Variants in CTNNA1 observed in about 807,000 individuals in gnomAD.
CTNNA1 encodes catenin alpha 1.
In CTNNA1, 37 loss-of-function variants were observed where a neutral mutation model predicts 98.4. The ratio of observed to expected loss-of-function variants is 0.38; its 90% CI spans 0.29 to 0.49. The LOEUF is 0.49. Ranked by LOEUF, CTNNA1 falls within the 20% of genes least tolerant of loss-of-function variation. The probability of loss-of-function intolerance (pLI) is 0.95; values close to 1 mark genes in which losing one functional copy is unlikely to be tolerated. For missense variants in CTNNA1, 761 were observed against 1,147.2 expected, an observed-to-expected ratio of 0.66 and a Z score of 4.86; for synonymous variants, 404 against 413.2, an observed-to-expected ratio of 0.98 and a Z score of 0.27.
At position 138,753,480 on chromosome 5, in the gene CTNNA1, T is replaced by C. The variant is rs1222131050; in HGVS notation, c.-33T>C. On this transcript the variant is annotated 5_prime_UTR_variant, in exon 1 of 18. Coordinates refer to ENST00000302763, the MANE Select transcript of CTNNA1 (RefSeq NM_001903.5). ...GCAGCGCCCGTCTGCTTCGGGCCTC[T>C]GGAATTTAGCGCTCGCCCAGCTAGC... 4 of 377,176 alleles carry C rather than the reference T, an allele frequency of 1.1e-5. No individual in the cohort carries two copies. Among genetic ancestry groups the C allele is most frequent in the African/African-American group, 4.2e-5 (2 of 47,322 alleles). 23.4% of individuals were successfully genotyped at this position (377,176 alleles called of 1,614,324 possible). A position where few individuals can be genotyped will look rare whatever the true frequency, so the allele number is the denominator to read the frequency against.
Position 138,778,142 on chromosome 5 carries a change from C to T in CTNNA1, c.-2-3781C>T, listed in dbSNP as rs999479386. 3.7e-4 allele frequency among the ~76,000 whole-genome samples: 52 copies of T among 139,500 alleles called. 1 individual carries two copies. The highest frequency in any genetic ancestry group is 7.7e-4 in the South Asian group (3 of 3,920). The allele number at this position is 139,500 out of a possible 152,430, so 91.5% of individuals were successfully genotyped here. A position where few individuals can be genotyped will look rare whatever the true frequency, so the allele number is the denominator to read the frequency against. On this transcript the variant is annotated intron_variant, in intron 1 of 17. Coordinates refer to ENST00000302763, the MANE Select transcript of CTNNA1 (RefSeq NM_001903.5). The stretch of plus-strand genomic sequence containing the variant: ...CCGAGTAGCTGGGACTACAGGCGAC[C>T]GCCACCACGCCCGGCTAATTTTTTG...
chr5:138,904,930 TA>T (rs879321048), intron 10 of CTNNA1: 377 of 139,544 alleles, frequency 2.7e-3, no homozygotes, highest in Non-Finnish European at 2.4e-3. Flanking sequence ...CCGTCTCTAC[TA>T]AAAAAAAAAA....
At position 138,897,307 on chromosome 5, in the gene CTNNA1, C is replaced by T. The variant is rs1052684417; in HGVS notation, c.1297-7042C>T. ...ACCTCACACCGCACCCCCCCCCCCC[C>T]CGCCCCCGCCCAGCACACACAGTAT... On this transcript the variant is annotated intron_variant, in intron 9 of 17. Transcript: ENST00000302763. Among the ~76,000 whole-genome samples, 358 of 87,098 alleles carry T rather than the reference C, an allele frequency of 4.1e-3. 21 individuals are homozygous for T. Among genetic ancestry groups the T allele is most frequent in the Non-Finnish European group, 6.4e-3 (262 of 40,672 alleles). 57.1% of individuals were successfully genotyped at this position (87,098 alleles called of 152,430 possible). A position where few individuals can be genotyped will look rare whatever the true frequency, so the allele number is the denominator to read the frequency against.
At chr5:138,882,425 G>GA (rs1753111042) in intron 7 of CTNNA1, among the ~76,000 whole-genome samples, 1 of 152,212 alleles carries the variant, frequency 6.6e-6, no homozygotes, top group Non-Finnish European at 1.5e-5. Context: ...TCCATAGGGA[G>GA]AATGTGTAGA....
intron 1 of CTNNA1, among the ~76,000 whole-genome samples, chr5:138,755,480 C>G (rs562849765): frequency 1.2e-4 from 19 of 152,186 alleles, no homozygotes; most frequent in African/African-American, 4.6e-4. Flanking sequence ...TCTTTCCTCT[C>G]GTACCCAGGG....
chr5:138,892,365 A>C (rs1260678913), intron 9 of CTNNA1, among the ~76,000 whole-genome samples: 1 of 110,544 alleles, frequency 9.0e-6, no homozygotes, highest in Admixed American at 1.1e-4. Flanking sequence ...TTTGAGACAG[A>C]GTCTTGCTCT....
In CTNNA1 at chr5:138,824,391, A is replaced by G. The variant is rs559215117; in HGVS notation, c.589-139A>G. 80 of 936,678 alleles carry G rather than the reference A, an allele frequency of 8.5e-5. No homozygotes were observed. In the South Asian group the frequency reaches 1.4e-3, roughly 16 times the overall value. The allele number at this position is 936,678 out of a possible 1,614,324, so 58.0% of individuals were successfully genotyped here. ...AACCATACTGCCTTCTTTGTGATTGACTCTCAACTAGATTGTTAATGAAAA... is the reference window on the plus strand; with the variant it reads ...AACCATACTGCCTTCTTTGTGATTGGCTCTCAACTAGATTGTTAATGAAAA... On this transcript the variant is annotated intron_variant, in intron 5 of 17. Coordinates refer to ENST00000302763, the MANE Select transcript of CTNNA1 (RefSeq NM_001903.5).
At chr5:138,893,024 T>C (rs1274327460) in intron 9 of CTNNA1, among the ~76,000 whole-genome samples, 1 of 152,062 alleles carries the variant, frequency 6.6e-6, no homozygotes, top group African/African-American at 2.4e-5. Context: ...TCAAAATAAA[T>C]AAATAAATAA....
chr5:138,797,624 A>G (rs1757111949), intron 3 of CTNNA1, among the ~76,000 whole-genome samples: 1 of 152,144 alleles, frequency 6.6e-6, no homozygotes, highest in African/African-American at 2.4e-5. Context: ...ATTTTGGGGA[A>G]GGAGATATAA....
intron 10 of CTNNA1, among the ~76,000 whole-genome samples, chr5:138,916,975 T>C (rs1475537083): frequency 6.6e-6 from 1 of 151,616 alleles, no homozygotes; most frequent in Non-Finnish European, 1.5e-5. Context: ...GGTTTCACCA[T>C]GTTGGTCAGG....
At chr5:138,824,963 C>G (rs1355191613) in intron 6 of CTNNA1, among the ~76,000 whole-genome samples, 164 bp downstream of exon 6, 1 of 152,204 alleles carries the variant, frequency 6.6e-6, no homozygotes. Context: ...TTGATTTTAA[C>G]TTGGCCTAAA....
chr5:138,811,679 G>C (rs1205554502), intron 4 of CTNNA1, among the ~76,000 whole-genome samples: 2 of 151,976 alleles, frequency 1.3e-5, no homozygotes, highest in Admixed American at 1.3e-4. Flanking sequence ...ACCTCTGGAG[G>C]CCGAGGCTGG....
chr5:138,764,998 C>A (rs541143384), intron 1 of CTNNA1, among the ~76,000 whole-genome samples: 1 of 150,014 alleles, frequency 6.7e-6, no homozygotes, highest in Non-Finnish European at 1.5e-5. Context: ...CTCAGCCTTC[C>A]GAGTATCTGG....
At chr5:138,823,777 G>C (rs180794521) in intron 5 of CTNNA1, among the ~76,000 whole-genome samples, 1 of 151,336 alleles carries the variant, frequency 6.6e-6, no homozygotes, top group Non-Finnish European at 1.5e-5. Context: ...CTAAAACGGT[G>C]AAACCCCGTC....
chr5:138,771,879 G>A (rs1352648272), intron 1 of CTNNA1, among the ~76,000 whole-genome samples: 1 of 151,978 alleles, frequency 6.6e-6, no homozygotes, highest in African/African-American at 2.4e-5. Context: ...TTCCTGATTT[G>A]CATTTAAACG....
chr5:138,875,317 C>T (rs768440213), intron 7 of CTNNA1: 69 of 899,554 alleles, frequency 7.7e-5, no homozygotes, highest in Non-Finnish European at 9.1e-5. Context: ...AAAGCTTTTC[C>T]GAGAAACGGC....
chr5:138,917,667 T>A (rs1762072585), intron 10 of CTNNA1, 75 bp from the exon 11 acceptor site: 1 of 1,476,246 alleles, frequency 6.8e-7, no homozygotes. Flanking sequence ...GTGTGATGTC[T>A]CCTAGTGAAA....
Position 138,873,357 on chromosome 5 carries a change from C to T in CTNNA1, c.1063-12855C>T, listed in dbSNP as rs750339801. 2 of 1,613,652 alleles carry T rather than the reference C, an allele frequency of 1.2e-6. No individual in the cohort carries two copies. The highest frequency in any genetic ancestry group is 2.7e-5 in the African/African-American group (2 of 74,936). The stretch of plus-strand genomic sequence containing the variant: ...TGTTCCTCGGTAGTAACTGCTATGC[C>T]TGCAGTAGTTGGGATTTCTTTGTCT... On this transcript the variant is annotated intron_variant, in intron 7 of 17. Coordinates refer to ENST00000302763, the MANE Select transcript of CTNNA1 (RefSeq NM_001903.5). The surrounding 1 kb of genome is among the most constrained non-coding windows in gnomAD (Gnocchi z 6.1).
intron 7 of CTNNA1, among the ~76,000 whole-genome samples, chr5:138,863,003 G>T (rs1418558410): frequency 6.6e-6 from 1 of 152,132 alleles, no homozygotes; most frequent in African/African-American, 2.4e-5. Context: ...TCCCCCTGTG[G>T]TTGTTACTGC....
Sources: allele counts gnomAD v4.1 joint callset (sites outside exome capture counted in the v4.1 genomes callset), GRCh38; gene constraint gnomAD v4.1.1; non-coding constraint Gnocchi (gnomAD v3.1); transcripts MANE v1.5; gene names NCBI Gene and HGNC (gene_info 2026-07-23, HGNC 2026-07-21).